Variants in INTS15 observed in about 807,000 individuals in gnomAD.
The protein encoded by INTS15 is integrator complex subunit 15.
chr7:6,591,533 G>A, the INTS15 span: 5 of 891,052 alleles, frequency 5.6e-6, no homozygotes, highest in African/African-American at 8.3e-5. Context: ...CAAAGTGCTG[G>A]GATTACAGGC....
At chr7:6,598,056 C>T in the INTS15 span, among the ~76,000 whole-genome samples, 1 of 152,176 alleles carries the variant, frequency 6.6e-6, no homozygotes, top group African/African-American at 2.4e-5. Context: ...TGTGCACACG[C>T]ACACATTTTC....
chr7:6,605,970 A>G, the INTS15 span, among the ~76,000 whole-genome samples: 1 of 151,770 alleles, frequency 6.6e-6, no homozygotes. Flanking sequence ...AAGTGCTGGG[A>G]TTACAGGTGT....
the INTS15 span, among the ~76,000 whole-genome samples, chr7:6,604,330 A>G: frequency 3.9e-5 from 6 of 152,196 alleles, no homozygotes; most frequent in African/African-American, 1.4e-4. Flanking sequence ...GCGGGGTGAT[A>G]CTTAGTAAAT....
the INTS15 span, chr7:6,591,882 A>G: frequency 6.2e-7 from 1 of 1,606,578 alleles, no homozygotes; most frequent in East Asian, 2.2e-5. Context: ...TGCTCAAGAG[A>G]GACCCTCGGC....
the INTS15 span, among the ~76,000 whole-genome samples, chr7:6,599,433 C>T: frequency 6.6e-6 from 1 of 152,158 alleles, no homozygotes; most frequent in African/African-American, 2.4e-5. Context: ...ATACAGGAGA[C>T]ACTGAGCACC....
the INTS15 span, chr7:6,608,457 G>C: frequency 7.8e-7 from 1 of 1,277,824 alleles, no homozygotes; most frequent in Non-Finnish European, 9.9e-7. Flanking sequence ...CAGCCTGTGT[G>C]GCGAGGAGTG....
the INTS15 span, chr7:6,607,763 C>A: frequency 1.3e-6 from 2 of 1,485,358 alleles, no homozygotes; most frequent in African/African-American, 2.8e-5. The surrounding 1 kb of genome is among the most constrained non-coding windows in gnomAD (Gnocchi z 6.0). Context: ...GTGCAGAGCC[C>A]ACTCCCACGC....
the INTS15 span, chr7:6,600,298 C>T: frequency 6.2e-7 from 1 of 1,614,108 alleles, no homozygotes; most frequent in Non-Finnish European, 8.5e-7. Context: ...TCTCGCTGGA[C>T]CGGCTGGCGC....
At chr7:6,590,296 C>T in the INTS15 span, 2 of 1,571,436 alleles carry the variant, frequency 1.3e-6, no homozygotes, top group Non-Finnish European at 1.7e-6. Context: ...GAGCGACATC[C>T]GCCACTCGCT....
the INTS15 span, among the ~76,000 whole-genome samples, chr7:6,591,045 C>G: frequency 6.6e-6 from 1 of 151,904 alleles, no homozygotes; most frequent in African/African-American, 2.4e-5. Context: ...CCCTGTGTTA[C>G]CCAGGCTGGT....
chr7:6,593,432 C>G, the INTS15 span, among the ~76,000 whole-genome samples: 1 of 150,486 alleles, frequency 6.6e-6, no homozygotes, highest in Non-Finnish European at 1.5e-5. Flanking sequence ...CCAGGTTCAC[C>G]CTAGTCTCCT....
At chr7:6,598,138 G>C in the INTS15 span, among the ~76,000 whole-genome samples, 1 of 152,124 alleles carries the variant, frequency 6.6e-6, no homozygotes, top group African/African-American at 2.4e-5. Flanking sequence ...GGTATGACCT[G>C]GTGTTGCCCA....
chr7:6,592,262 GT>G, the INTS15 span, among the ~76,000 whole-genome samples: 1 of 151,850 alleles, frequency 6.6e-6, no homozygotes, highest in Non-Finnish European at 1.5e-5. Context: ...TTTTTTGTTT[GT>G]TTGTTTAAAT....
the INTS15 span, among the ~76,000 whole-genome samples, chr7:6,596,586 C>T: frequency 6.6e-6 from 1 of 151,392 alleles, no homozygotes; most frequent in East Asian, 1.9e-4. Context: ...ACCATGTTGG[C>T]CAGGTTGGTC....
chr7:6,605,517 G>GC, the INTS15 span, among the ~76,000 whole-genome samples: 2 of 152,020 alleles, frequency 1.3e-5, no homozygotes, highest in African/African-American at 4.8e-5. Flanking sequence ...CCACATTAGA[G>GC]CCCCCCAGAA....
At chr7:6,603,871 G>A in the INTS15 span, among the ~76,000 whole-genome samples, 3 of 151,956 alleles carry the variant, frequency 2.0e-5, no homozygotes, top group African/African-American at 7.2e-5. Flanking sequence ...ATGGTGGCGT[G>A]CATCTGTAAT....
chr7:6,608,590 G>GT, the INTS15 span: 1 of 992,120 alleles, frequency 1.0e-6, no homozygotes, highest in African/African-American at 1.8e-5. Context: ...AGGCTGCGTA[G>GT]TGACCACAAG....
At chr7:6,594,589 A>T in the INTS15 span, 4 of 1,613,986 alleles carry the variant, frequency 2.5e-6, no homozygotes, top group South Asian at 2.2e-5. Context: ...GCGCTCTATG[A>T]CCTGTCATCA....
the INTS15 span, among the ~76,000 whole-genome samples, chr7:6,597,214 C>T: frequency 6.6e-6 from 1 of 152,128 alleles, no homozygotes; most frequent in African/African-American, 2.4e-5. Context: ...TTGCTGTTAA[C>T]AGGTGGGAGT....
Sources: allele counts gnomAD v4.1 joint callset (sites outside exome capture counted in the v4.1 genomes callset), GRCh38; gene constraint gnomAD v4.1.1; non-coding constraint Gnocchi (gnomAD v3.1); transcripts MANE v1.5; gene names NCBI Gene and HGNC (gene_info 2026-07-23, HGNC 2026-07-21).